SAMMSON: variants seen among roughly 807,000 people sequenced by gnomAD.
SAMMSON encodes survival associated mitochondrial melanoma specific oncogenic non-coding RNA, also known as long intergenic non-protein coding RNA 1212.
chr3:70,260,105 G>A (rs1701851703), intron 6 of SAMMSON, among the ~76,000 whole-genome samples: 1 of 152,174 alleles, frequency 6.6e-6, no homozygotes, highest in African/African-American at 2.4e-5. Flanking sequence ...ATATCAATTG[G>A]CTTACAGTTC....
Position 70,186,708 on chromosome 3 carries a change from C to T in SAMMSON, n.508-62399C>T, listed in dbSNP as rs563551089. Among the ~76,000 whole-genome samples, 10 of 152,262 alleles carry T rather than the reference C, an allele frequency of 6.6e-5. No homozygotes were observed. In the East Asian group the frequency reaches 1.7e-3, roughly 26 times the overall value. On this transcript the variant is annotated intron_variant and non_coding_transcript_variant, in intron 4 of 9. Coordinates refer to ENST00000642114, the Ensembl canonical transcript of SAMMSON. Reference sequence around the variant, plus strand: ...TGAAAAAGGAGCCCCCAAGAAGCTTCCACTGTGTGATGGGAAACAAATATC... The same window carrying T: ...TGAAAAAGGAGCCCCCAAGAAGCTTTCACTGTGTGATGGGAAACAAATATC...
At chr3:70,370,007 T>G (rs1403144256) in intron 9 of SAMMSON, among the ~76,000 whole-genome samples, 1 of 151,860 alleles carries the variant, frequency 6.6e-6, no homozygotes, top group Non-Finnish European at 1.5e-5. Flanking sequence ...AATCTATCAT[T>G]CTTTTCTTTA....
intron 6 of SAMMSON, among the ~76,000 whole-genome samples, chr3:70,275,260 C>T (rs1702012451): frequency 1.3e-5 from 2 of 152,168 alleles, no homozygotes; most frequent in South Asian, 4.1e-4. Flanking sequence ...CAGTGGCTTA[C>T]ACCTGTAATC....
At chr3:70,236,342 A>C (rs1323209506) in intron 4 of SAMMSON, among the ~76,000 whole-genome samples, 1 of 152,010 alleles carries the variant, frequency 6.6e-6, no homozygotes, top group African/African-American at 2.4e-5. Context: ...CATATTGTTC[A>C]CTCATATATA....
intron 4 of SAMMSON, among the ~76,000 whole-genome samples, chr3:70,096,444 T>C: frequency 6.6e-6 from 1 of 152,104 alleles, no homozygotes; most frequent in Non-Finnish European, 1.5e-5. Context: ...CTCAGGAGAC[T>C]GAGAAGAGAG....
At chr3:70,072,493 G>T (rs1219164828) in intron 4 of SAMMSON, 1 of 151,402 alleles carries the variant, frequency 6.6e-6, no homozygotes, top group Non-Finnish European at 1.5e-5. Flanking sequence ...CATTCTGTGA[G>T]TTGTGAATAA....
intron 9 of SAMMSON, among the ~76,000 whole-genome samples, chr3:70,371,028 G>T (rs1309947337): frequency 6.6e-6 from 1 of 151,848 alleles, no homozygotes; most frequent in Non-Finnish European, 1.5e-5. Flanking sequence ...TTATTTTTCT[G>T]CATGTTGCTA....
intron 4 of SAMMSON, among the ~76,000 whole-genome samples, chr3:70,144,388 C>A (rs1366920720): frequency 2.0e-5 from 3 of 151,994 alleles, no homozygotes; most frequent in Non-Finnish European, 2.9e-5. Flanking sequence ...TATACAAGGT[C>A]TATTTCTTTC....
intron 4 of SAMMSON, among the ~76,000 whole-genome samples, chr3:70,191,932 TGTTA>T (rs1172304658): frequency 6.6e-6 from 1 of 151,002 alleles, no homozygotes; most frequent in African/African-American, 2.4e-5. Context: ...TTTAGACGGC[TGTTA>T]GAGAATGTAA....
chr3:70,232,203 G>T (rs561111351), intron 4 of SAMMSON, among the ~76,000 whole-genome samples: 1 of 152,288 alleles, frequency 6.6e-6, no homozygotes, highest in South Asian at 2.1e-4. Flanking sequence ...CTCTGTGAGG[G>T]TGTGCACCAT....
chr3:70,125,475 CAG>C, intron 4 of SAMMSON: 1 of 788,336 alleles, frequency 1.3e-6, no homozygotes, highest in South Asian at 1.5e-5. Flanking sequence ...GGCATTTCAT[CAG>C]AGTCTTTTTT....
In SAMMSON at chr3:70,076,043, GA is replaced by G. The variant is rs372072004; in HGVS notation, n.507+4479del. On this transcript the variant is annotated intron_variant and non_coding_transcript_variant, in intron 4 of 9. Transcript: ENST00000642114. ...GCATTGCTATTCTTGAGCAAATTCG[GA>G]GAGTTTAGAAACATTATTTTGAAAT... Among the ~76,000 whole-genome samples, 158 of 152,130 alleles carry G rather than the reference GA, an allele frequency of 1.0e-3. 3 individuals carry two copies. In the East Asian group the frequency reaches 0.021, roughly 20 times the overall value.
At chr3:70,385,891 A>C (rs760238889) in intron 9 of SAMMSON, among the ~76,000 whole-genome samples, 2 of 152,136 alleles carry the variant, frequency 1.3e-5, no homozygotes, top group Non-Finnish European at 2.9e-5. Flanking sequence ...CAAGTGTCAG[A>C]TAATGCTTGA....
intron 3 of SAMMSON, among the ~76,000 whole-genome samples, chr3:70,018,698 T>C (rs914657361): frequency 7.2e-5 from 11 of 152,248 alleles, no homozygotes; most frequent in African/African-American, 2.6e-4. Flanking sequence ...AGATCTTTCC[T>C]GCTTTCTCTT....
At chr3:70,275,261 A>C (rs555288939) in intron 6 of SAMMSON, among the ~76,000 whole-genome samples, 2 of 152,260 alleles carry the variant, frequency 1.3e-5, no homozygotes, top group East Asian at 1.9e-4. Context: ...AGTGGCTTAC[A>C]CCTGTAATCT....
intron 4 of SAMMSON, among the ~76,000 whole-genome samples, chr3:70,116,772 A>G (rs2067413464): frequency 6.6e-6 from 1 of 152,192 alleles, no homozygotes; most frequent in African/African-American, 2.4e-5. Context: ...AAAGGACCTT[A>G]TCAAGGAGAA....
intron 3 of SAMMSON, among the ~76,000 whole-genome samples, chr3:70,036,989 T>C (rs1269044267): frequency 6.6e-6 from 1 of 152,096 alleles, no homozygotes; most frequent in South Asian, 2.1e-4. Flanking sequence ...AGGATGATGA[T>C]TAATAGAATG....
At chr3:70,376,276 A>G (rs1703013945) in intron 9 of SAMMSON, among the ~76,000 whole-genome samples, 1 of 152,250 alleles carries the variant, frequency 6.6e-6, no homozygotes, top group Non-Finnish European at 1.5e-5. Flanking sequence ...CGTTGTCTCC[A>G]GTTCGTCCTT....
chr3:70,303,971 T>C (rs562033177), intron 7 of SAMMSON, among the ~76,000 whole-genome samples: 2 of 152,278 alleles, frequency 1.3e-5, no homozygotes, highest in East Asian at 3.9e-4. Flanking sequence ...GCATGAGCCA[T>C]CATGCCCAGC....
Sources: gnomAD v4.1 joint callset for allele counts (sites outside exome capture counted in the v4.1 genomes callset) on GRCh38, gnomAD v4.1.1 for gene constraint, MANE v1.5 for transcripts, NCBI Gene and HGNC (gene_info 2026-07-23, HGNC 2026-07-21) for gene names.